The following HUWE1 variants were observed in gnomAD, a reference collection of about 807,000 sequenced individuals.
The protein encoded by HUWE1 is E3 ubiquitin-protein ligase HUWE1.
HUWE1 carries 18 observed loss-of-function variants against 299.4 expected under a neutral mutation model. The observed-to-expected ratio is 0.06, with a 90% CI of 0.04 to 0.09. The LOEUF (loss-of-function observed/expected upper bound fraction) is 0.09, where lower values mean the gene tolerates loss of function less well. Ranked by LOEUF, HUWE1 falls within the 10% of genes least tolerant of loss-of-function variation. The pLI is 1.00. For synonymous variants in HUWE1, 1,317 were observed against 1,286.1 expected (o/e 1.02, Z -0.51); for missense variants, 1,832 against 3,462.3 (o/e 0.53, Z 11.82).
At chrX:53,610,059 T>G (rs977462364) in intron 23 of HUWE1, among the ~76,000 whole-genome samples, 2 of 111,467 alleles carry the variant, frequency 1.8e-5, no homozygotes, top group Non-Finnish European at 3.8e-5. Flanking sequence ...AAGGCAAGAC[T>G]GAAATGATTC....
At chrX:53,607,792 G>T in intron 24 of HUWE1, 93 bp from the exon 25 acceptor site, 2 of 568,188 alleles carry the variant, frequency 3.5e-6, no homozygotes, top group Non-Finnish European at 6.1e-6. Flanking sequence ...TTCTAGTCAT[G>T]ATATTAGTGT....
chrX:53,684,099 T>A, intron 2 of HUWE1: 2 of 258,663 alleles, frequency 7.7e-6, no homozygotes, highest in Non-Finnish European at 1.4e-5. Context: ...AAAGCCGAAG[T>A]AGCTACAGCT....
At chrX:53,544,964 A>T (rs2061487086) in intron 71 of HUWE1, 65 bp downstream of exon 71, 2 of 1,139,591 alleles carry the variant, frequency 1.8e-6, no homozygotes, top group South Asian at 3.7e-5. Flanking sequence ...CCAGGAAACC[A>T]GCAAGAGCCA....
intron 20 of HUWE1, 84 bp from the exon 21 acceptor site, chrX:53,617,231 T>G (rs985342713): frequency 2.0e-6 from 2 of 1,020,217 alleles, no homozygotes; most frequent in East Asian, 3.2e-5. Context: ...CAAGCTGAGA[T>G]AGAAGGAATT....
rs374568939 is a variant in HUWE1 at position 53,550,902 on chromosome X, C to T, written c.9384G>A (p.Pro3128=). ...CCTCCCACTTGCCTCCCTCTGTACC[C>T]GGGCTTCGGAGAATAGCAGAGAGTG... The part of the protein sequence containing the change: ...TSALSAILRS[P]AFTSRLSGNR... Residue 3128 remains proline (P), a splice_region_variant and synonymous_variant, in exon 65 of 84, where the codon CCG becomes CCA. Coordinates refer to ENST00000262854, the MANE Select transcript of HUWE1 (RefSeq NM_031407.7). 24 of 1,211,614 alleles carry T rather than the reference C, an allele frequency of 2.0e-5. No homozygotes were observed. The highest frequency in any genetic ancestry group is 6.5e-5 in the Admixed American group (3 of 46,067).
At chrX:53,649,891 A>T (rs1376230674) in intron 4 of HUWE1, among the ~76,000 whole-genome samples, 2 of 112,378 alleles carry the variant, frequency 1.8e-5, no homozygotes, top group Non-Finnish European at 3.8e-5. Flanking sequence ...TTCAGTCTTT[A>T]CCAAGGCCCA....
chrX:53,569,503 T>C (rs782333632), intron 48 of HUWE1, 113 bp downstream of exon 48: 21 of 677,632 alleles, frequency 3.1e-5, no homozygotes, highest in Non-Finnish European at 4.8e-5. Flanking sequence ...CCAGAGAGTA[T>C]ATGATGCCAG....
At chrX:53,576,386 G>A (rs2063106188) in intron 44 of HUWE1, among the ~76,000 whole-genome samples, 1 of 111,859 alleles carries the variant, frequency 8.9e-6, no homozygotes, top group African/African-American at 3.3e-5. Context: ...TAGGAATAAA[G>A]GTGGATGGGT....
intron 28 of HUWE1, among the ~76,000 whole-genome samples, 200 bp downstream of exon 28, chrX:53,602,364 G>A (rs1470402541): frequency 1.9e-5 from 2 of 102,995 alleles, no homozygotes; most frequent in Non-Finnish European, 2.0e-5. Flanking sequence ...GCAGAAATAC[G>A]GGTAATTCTT....
In HUWE1 at chrX:53,617,165, T is replaced by A. The variant is rs2065847774; in HGVS notation, c.1780-18A>T. On this transcript the variant is annotated intron_variant, in intron 20 of 83. Coordinates refer to ENST00000262854, the MANE Select transcript of HUWE1 (RefSeq NM_031407.7). Reference sequence around the variant, plus strand: ...GCAGGAACCTAAAGAGAAAACAAAGTGAGCTTGAATGCATCTAAAAGAGTG... The same window carrying A: ...GCAGGAACCTAAAGAGAAAACAAAGAGAGCTTGAATGCATCTAAAAGAGTG... 1.7e-6 allele frequency: 2 copies of A among 1,188,382 alleles called. No homozygotes were observed. Among genetic ancestry groups the A allele is most frequent in the Non-Finnish European group, 2.3e-6 (2 of 875,804 alleles).
intron 7 of HUWE1, among the ~76,000 whole-genome samples, chrX:53,640,710 G>T (rs2067529742): frequency 1.8e-5 from 2 of 111,432 alleles, no homozygotes; most frequent in South Asian, 7.4e-4. Flanking sequence ...AAAATGCAAA[G>T]GGACAAAAAA....
At chrX:53,665,952 C>T (rs1161563536) in intron 3 of HUWE1, among the ~76,000 whole-genome samples, 3 of 110,546 alleles carry the variant, frequency 2.7e-5, no homozygotes, top group Non-Finnish European at 5.7e-5. Context: ...GGAGTTTTCC[C>T]GAGACCAGCC....
In HUWE1 at chrX:53,559,549, G is replaced by A; in HGVS notation, c.7737-17C>T. 8.3e-7 allele frequency: 1 copy of A among 1,200,031 alleles called. No homozygotes were observed. The highest frequency in any genetic ancestry group is 1.8e-5 in the South Asian group (1 of 56,001). The stretch of plus-strand genomic sequence containing the variant: ...CCAAGCAACCTGTAGGGTAATGGTG[G>A]GTACCATGATCACTGTTAAGTCCAG... On this transcript the variant is annotated splice_polypyrimidine_tract_variant and intron_variant, in intron 56 of 83. Transcript: ENST00000262854.
chrX:53,570,535 G>C (rs1435552767), intron 47 of HUWE1, among the ~76,000 whole-genome samples: 5 of 112,097 alleles, frequency 4.5e-5, no homozygotes, highest in African/African-American at 9.7e-5. Flanking sequence ...TGCTACAATA[G>C]AAGCTGGTAA....
At chrX:53,659,126 T>C (rs1028201149) in intron 3 of HUWE1, among the ~76,000 whole-genome samples, 1 of 112,816 alleles carries the variant, frequency 8.9e-6, no homozygotes, top group Non-Finnish European at 1.9e-5. Context: ...TACAGCCACT[T>C]TGGAAGTCAG....
At chrX:53,582,069 T>C (rs946782071) in intron 42 of HUWE1, among the ~76,000 whole-genome samples, 44 of 112,064 alleles carry the variant, frequency 3.9e-4, no homozygotes, top group African/African-American at 1.4e-3. Context: ...CAATGAATAG[T>C]ACCAAGACTT....
intron 25 of HUWE1, among the ~76,000 whole-genome samples, chrX:53,605,744 T>A (rs1162440778): frequency 2.7e-5 from 3 of 111,964 alleles, no homozygotes; most frequent in African/African-American, 9.7e-5. Flanking sequence ...GAAAAATTTT[T>A]GGAGGTCTCA....
At chrX:53,677,419 G>A (rs2069881315) in intron 3 of HUWE1, among the ~76,000 whole-genome samples, 1 of 109,964 alleles carries the variant, frequency 9.1e-6, no homozygotes, top group Admixed American at 9.8e-5. Flanking sequence ...GGACCGTGTG[G>A]CACAAAGCAG....
chrX:53,631,829 T>C (rs1178328992), intron 9 of HUWE1: 2 of 423,737 alleles, frequency 4.7e-6, no homozygotes, highest in African/African-American at 2.5e-5. Flanking sequence ...AAACCAGTAG[T>C]ATCAAACTAT....
Sources: gnomAD v4.1 joint callset for allele counts (sites outside exome capture counted in the v4.1 genomes callset) on GRCh38, gnomAD v4.1.1 for gene constraint, MANE v1.5 for transcripts, NCBI Gene and HGNC (gene_info 2026-07-23, HGNC 2026-07-21) for gene names.